HCN1: variants seen among roughly 807,000 people sequenced by gnomAD.
The protein encoded by HCN1 is hyperpolarization activated cyclic nucleotide gated potassium channel 1.
HCN1 carries 13 observed loss-of-function variants against 78.9 expected under a neutral mutation model. The ratio of observed to expected loss-of-function variants is 0.16; its 90% CI spans 0.11 to 0.26. HCN1 has a LOEUF of 0.26. Ranked by LOEUF, HCN1 falls within the 10% of genes least tolerant of loss-of-function variation. HCN1 has a pLI of 1.00. For missense variants in HCN1, 810 were observed against 1,154.3 expected (o/e 0.70, Z 4.32); for synonymous variants, 552 against 455.5 (o/e 1.21, Z -2.70).
Position 45,506,568 on chromosome 5 carries a change from A to T in HCN1, c.850-44561T>A, listed in dbSNP as rs536110417. Among the ~76,000 whole-genome samples, 38 of 152,230 alleles carry T rather than the reference A, an allele frequency of 2.5e-4. No homozygotes were observed. The South Asian group carries it at 6.0e-3, about 24-fold the overall frequency. ...GCAAACTGGGTTACAAAATAAAAAT[A>T]AAAAATGAAAAACACAAATGCAAAC... On this transcript the variant is annotated intron_variant, in intron 2 of 7. Coordinates refer to ENST00000303230, the MANE Select transcript of HCN1 (RefSeq NM_021072.4).
chr5:45,655,915 T>A (rs1017686774), intron 1 of HCN1, among the ~76,000 whole-genome samples: 1 of 152,182 alleles, frequency 6.6e-6, no homozygotes, highest in Non-Finnish European at 1.5e-5. Context: ...GAGTCAAATG[T>A]AGTACCAAAT....
At position 45,527,055 on chromosome 5, in the gene HCN1, TTCTC is replaced by T. The variant is rs142451723; in HGVS notation, c.850-65052_850-65049del. ...CATTCTCTCTCTCTTTTCTCCCTCT[TTCTC>T]TCTCTCTCTCTCTCTGTCTCTCTCA... On this transcript the variant is annotated intron_variant, in intron 2 of 7. Coordinates refer to ENST00000303230, the MANE Select transcript of HCN1 (RefSeq NM_021072.4). Among the ~76,000 whole-genome samples, 14 of 129,108 alleles carry T rather than the reference TTCTC, an allele frequency of 1.1e-4. 2 individuals carry two copies. Among genetic ancestry groups the T allele is most frequent in the Non-Finnish European group, 1.5e-4 (9 of 59,678 alleles). 84.7% of individuals were successfully genotyped at this position (129,108 alleles called of 152,430 possible).
At position 45,261,765 on chromosome 5, in the gene HCN1, T is replaced by C; in HGVS notation, c.*156A>G. On this transcript the variant is annotated 3_prime_UTR_variant, in exon 8 of 8. Coordinates refer to ENST00000303230, the MANE Select transcript of HCN1 (RefSeq NM_021072.4). ...TTAGATATATATTTTATAGTATATGTATATATATTTTTACATTTCACGTGT... is the reference window on the plus strand; with the variant it reads ...TTAGATATATATTTTATAGTATATGCATATATATTTTTACATTTCACGTGT... The C allele has an allele frequency of 2.5e-6, 2 of 803,598 alleles. No homozygotes were observed. Among genetic ancestry groups the C allele is most frequent in the South Asian group, 3.0e-5 (2 of 66,828 alleles). The allele number at this position is 803,598 out of a possible 1,614,324, so 49.8% of individuals were successfully genotyped here.
intron 2 of HCN1, among the ~76,000 whole-genome samples, chr5:45,475,168 T>C (rs961229531): frequency 7.2e-5 from 11 of 152,040 alleles, no homozygotes; most frequent in African/African-American, 2.7e-4. Context: ...AAATTTTGAT[T>C]ATACATAATG....
At chr5:45,338,395 A>G (rs547826357) in intron 5 of HCN1, among the ~76,000 whole-genome samples, 29 of 152,316 alleles carry the variant, frequency 1.9e-4, no homozygotes, top group Middle Eastern at 3.4e-3. Flanking sequence ...GGTTGAAATC[A>G]TACTATAAGA....
At chr5:45,531,209 A>T (rs907124837) in intron 2 of HCN1, among the ~76,000 whole-genome samples, 4 of 152,024 alleles carry the variant, frequency 2.6e-5, no homozygotes, top group African/African-American at 4.8e-5. Context: ...TCCCTGATAA[A>T]TTTTTCTTCT....
At chr5:45,384,432 G>T (rs570616572) in intron 4 of HCN1, among the ~76,000 whole-genome samples, 1 of 152,140 alleles carries the variant, frequency 6.6e-6, no homozygotes, top group African/African-American at 2.4e-5. Context: ...ATTTTCTAAA[G>T]TATAACTTCA....
chr5:45,291,587 C>T (rs1745377371), intron 6 of HCN1, among the ~76,000 whole-genome samples: 2 of 151,934 alleles, frequency 1.3e-5, no homozygotes, highest in Non-Finnish European at 2.9e-5. Context: ...CTCTGTTGCC[C>T]AGGCTGGAGT....
At chr5:45,657,300 G>A (rs1745790489) in intron 1 of HCN1, among the ~76,000 whole-genome samples, 1 of 152,204 alleles carries the variant, frequency 6.6e-6, no homozygotes, top group South Asian at 2.1e-4. Flanking sequence ...AAGAACTCAT[G>A]TATGTATGTT....
intron 1 of HCN1, among the ~76,000 whole-genome samples, chr5:45,683,972 C>T (rs531353570): frequency 4.6e-5 from 7 of 152,048 alleles, no homozygotes; most frequent in East Asian, 1.9e-4. Flanking sequence ...TGCCTGGTCC[C>T]GCTTCAGCTA....
At chr5:45,456,221 T>C (rs938380153) in intron 3 of HCN1, among the ~76,000 whole-genome samples, 2 of 152,044 alleles carry the variant, frequency 1.3e-5, no homozygotes, top group Non-Finnish European at 2.9e-5. Flanking sequence ...ATTTAGAGTA[T>C]GGTCAAGTGA....
chr5:45,567,070 A>G (rs1743722495), intron 2 of HCN1, among the ~76,000 whole-genome samples: 1 of 152,202 alleles, frequency 6.6e-6, no homozygotes, highest in Non-Finnish European at 1.5e-5. Flanking sequence ...TTGTCAATAC[A>G]TAGGGGAATT....
chr5:45,294,847 C>A (rs1018774355), intron 6 of HCN1, among the ~76,000 whole-genome samples: 2 of 152,070 alleles, frequency 1.3e-5, no homozygotes, highest in Non-Finnish European at 1.5e-5. Context: ...TCTTAAGAGG[C>A]AGTGAGGTAT....
chr5:45,550,724 G>A (rs1035531069), intron 2 of HCN1, among the ~76,000 whole-genome samples: 3 of 151,798 alleles, frequency 2.0e-5, no homozygotes, highest in Non-Finnish European at 4.4e-5. Flanking sequence ...ACATATATTT[G>A]GACTTACCTA....
At chr5:45,287,900 T>G (rs746086600) in intron 6 of HCN1, among the ~76,000 whole-genome samples, 1 of 152,124 alleles carries the variant, frequency 6.6e-6, no homozygotes, top group Non-Finnish European at 1.5e-5. Flanking sequence ...CTTTCGCTTA[T>G]GCTAATGCCT....
intron 5 of HCN1, among the ~76,000 whole-genome samples, chr5:45,341,247 G>GA (rs1403418637): frequency 2.0e-5 from 3 of 152,134 alleles, no homozygotes; most frequent in African/African-American, 4.8e-5. Context: ...AATTTGCAAG[G>GA]AAAAAATTCA....
intron 2 of HCN1, among the ~76,000 whole-genome samples, chr5:45,479,353 T>C (rs950595192): frequency 4.6e-5 from 7 of 152,188 alleles, no homozygotes; most frequent in African/African-American, 1.7e-4. Flanking sequence ...AAAGTAACAA[T>C]ATTATCTCAT....
chr5:45,583,240 T>A (rs1744125324), intron 2 of HCN1, among the ~76,000 whole-genome samples: 1 of 152,218 alleles, frequency 6.6e-6, no homozygotes, highest in African/African-American at 2.4e-5. Flanking sequence ...AACTTCTTAC[T>A]GGTTTAGTCT....
intron 4 of HCN1, among the ~76,000 whole-genome samples, chr5:45,389,111 G>T (rs1747989241): frequency 6.6e-6 from 1 of 152,044 alleles, no homozygotes; most frequent in Non-Finnish European, 1.5e-5. Flanking sequence ...GGTTGCCTAG[G>T]CCTATAAGGT....
Sources: allele counts gnomAD v4.1 joint callset (sites outside exome capture counted in the v4.1 genomes callset), GRCh38; gene constraint gnomAD v4.1.1; transcripts MANE v1.5; gene names NCBI Gene and HGNC (gene_info 2026-07-23, HGNC 2026-07-21).